The following ATP6V1C1 variants were observed in gnomAD, a reference collection of about 807,000 sequenced individuals.
ATP6V1C1 encodes the protein ATPase H+ transporting V1 subunit C1, also known as V-type proton ATPase subunit C 1.
Under a neutral mutation model 53.9 loss-of-function variants are expected in ATP6V1C1, and 45 were observed. The observed-to-expected ratio is 0.83, with a 90% CI of 0.66 to 1.07. The LOEUF (loss-of-function observed/expected upper bound fraction) is 1.07. Among genes scored for constraint, ATP6V1C1 ranks in the 50% least tolerant of loss-of-function variants. The pLI, the probability that ATP6V1C1 is intolerant of heterozygous loss-of-function variation, is 0.00. For synonymous variants in ATP6V1C1, 153 were observed against 155.2 expected, an observed-to-expected ratio of 0.99 and a Z score of 0.11; for missense variants, 315 against 440.3, an observed-to-expected ratio of 0.72 and a Z score of 2.55.
Position 103,066,321 on chromosome 8 carries a change from G to A in ATP6V1C1, c.927G>A (p.Arg309=). 3 of 1,604,994 alleles carry A rather than the reference G, an allele frequency of 1.9e-6. No individual in the cohort carries two copies. Among genetic ancestry groups the A allele is most frequent in the East Asian group, 2.2e-5 (1 of 44,796 alleles). The change falls in exon 12 of 13, where the codon AGG becomes AGA. Residue 309 remains arginine, a splice_region_variant and synonymous_variant. Coordinates refer to ENST00000518738, the MANE Select transcript of ATP6V1C1 (RefSeq NM_001695.5). The stretch of plus-strand genomic sequence containing the variant: ...TACTGTATTTCTGCTTTTTTGTAAG[G>A]TATGGCTTGCCAGTGAACTTCCAAG... ...ALRVFVESVL[R]YGLPVNFQAM...
chr8:103,043,955 G>T (rs1817049259), intron 3 of ATP6V1C1, among the ~76,000 whole-genome samples: 1 of 151,964 alleles, frequency 6.6e-6, no homozygotes, highest in Non-Finnish European at 1.5e-5. Context: ...GTGGCCAGAT[G>T]TTGGCTCACT....
At position 103,053,992 on chromosome 8, in the gene ATP6V1C1, T is replaced by C. The variant is rs1447680019; in HGVS notation, c.572+10T>C. The stretch of plus-strand genomic sequence containing the variant: ...TGGTAGTAGTTCCCAAGTAAGTCTT[T>C]CTATTATAAAAGGTTTTACTTGTTA... On this transcript the variant is annotated intron_variant, in intron 7 of 12. Transcript: ENST00000518738. The C allele has an allele frequency of 6.3e-7, 1 of 1,593,032 alleles. No homozygotes were observed. Among genetic ancestry groups the C allele is most frequent in the African/African-American group, 1.3e-5 (1 of 74,176 alleles).
chr8:103,048,059 G>C (rs1371298870), intron 3 of ATP6V1C1, among the ~76,000 whole-genome samples: 1 of 152,200 alleles, frequency 6.6e-6, no homozygotes, highest in Non-Finnish European at 1.5e-5. Flanking sequence ...GGCAGACATG[G>C]AATAAGGAAG....
intron 12 of ATP6V1C1, among the ~76,000 whole-genome samples, chr8:103,068,335 T>G (rs140147357): frequency 2.0e-5 from 3 of 152,234 alleles, no homozygotes; most frequent in African/African-American, 7.2e-5. Context: ...CTCAGTATTC[T>G]AAGTCCAAGA....
chr8:103,051,638 C>T (rs191060058), intron 5 of ATP6V1C1, among the ~76,000 whole-genome samples: 131 of 152,214 alleles, frequency 8.6e-4, no homozygotes, highest in African/African-American at 3.1e-3. Flanking sequence ...TATGTAGTTT[C>T]AGGGAGTACA....
intron 2 of ATP6V1C1, among the ~76,000 whole-genome samples, chr8:103,041,719 A>C (rs1817004161): frequency 6.6e-6 from 1 of 152,080 alleles, no homozygotes; most frequent in Non-Finnish European, 1.5e-5. Context: ...TAAAAATACA[A>C]AAATTAGCCA....
At position 103,068,639 on chromosome 8, in the gene ATP6V1C1, G is replaced by GT; in HGVS notation, c.1054-7dup. ...TAAATACAAAATTGAATAATTGTCTGTTTTTTCCATAGGCTCCTATGGATA... is the reference window on the plus strand; with the variant it reads ...TAAATACAAAATTGAATAATTGTCTGTTTTTTTCCATAGGCTCCTATGGATA... On this transcript the variant is annotated splice_polypyrimidine_tract_variant and intron_variant, in intron 12 of 12. Transcript: ENST00000518738. 6.4e-7 allele frequency: 1 copy of GT among 1,567,224 alleles called. No homozygotes were observed. The highest frequency in any genetic ancestry group is 8.7e-7 in the Non-Finnish European group (1 of 1,154,636).
chr8:103,040,857 A>T lies in ATP6V1C1; in HGVS notation c.21A>T (p.Ile7=), dbSNP rs191833906. The change falls in exon 2 of 13, where the codon ATA becomes ATT. Residue 7 remains isoleucine (I), a synonymous_variant. Coordinates refer to ENST00000518738, the MANE Select transcript of ATP6V1C1 (RefSeq NM_001695.5). ...CAAACATGACTGAGTTCTGGCTTAT[A>T]TCTGCTCCTGGGGAGAAAACCTGTC... MTEFWL[I]SAPGEKTCQQ... is the part of the protein sequence containing the mutation. The T allele has an allele frequency of 1.1e-5, 18 of 1,614,136 alleles. No individual in the cohort carries two copies. In the Admixed American group the frequency reaches 2.5e-4, roughly 22 times the overall value.
rs1817604184 is a variant in ATP6V1C1, at chr8:103,072,622, G to GGT, written c.*3875_*3876insGT. Reference sequence around the variant, plus strand: ...TAATGGTCTTTATTTTTCTAGCATAGATAACAATTGATTCTTTAGATTCAT... The same window carrying GGT: ...TAATGGTCTTTATTTTTCTAGCATAGGTATAACAATTGATTCTTTAGATTCAT... On this transcript the variant is annotated 3_prime_UTR_variant, in exon 13 of 13. Coordinates refer to ENST00000518738, the MANE Select transcript of ATP6V1C1 (RefSeq NM_001695.5). The GGT allele has an allele frequency of 6.6e-6, 1 of 152,144 alleles. No individual in the cohort carries two copies. Among genetic ancestry groups the GGT allele is most frequent in the Non-Finnish European group, 1.5e-5 (1 of 68,030 alleles). The allele number at this position is 152,144 out of a possible 1,614,324, so 9.4% of individuals were successfully genotyped here.
intron 6 of ATP6V1C1, 33 bp downstream of exon 6, chr8:103,052,855 A>T (rs1817224236): frequency 7.2e-7 from 1 of 1,389,494 alleles, no homozygotes; most frequent in Non-Finnish European, 9.9e-7. Flanking sequence ...AGTACTAAGA[A>T]CTGGGGAAGC....
chr8:103,041,059 C>G, intron 2 of ATP6V1C1, 91 bp downstream of exon 2: 1 of 1,375,400 alleles, frequency 7.3e-7, no homozygotes, highest in Non-Finnish European at 9.6e-7. Context: ...ACCCAGGTTC[C>G]TTCCAAAGAA....
intron 3 of ATP6V1C1, among the ~76,000 whole-genome samples, chr8:103,048,607 A>C (rs1198835386): frequency 5.3e-5 from 8 of 152,112 alleles, no homozygotes; most frequent in Admixed American, 1.3e-4. Context: ...GCTTCCCATG[A>C]CTTACTTTCT....
Position 103,063,180 on chromosome 8 carries a change from A to G in ATP6V1C1, c.780A>G (p.Ala260=). 1.9e-6 allele frequency: 3 copies of G among 1,612,722 alleles called. No homozygotes were observed. The highest frequency in any genetic ancestry group is 2.5e-6 in the Non-Finnish European group (3 of 1,179,414). Residue 260 remains alanine (A), a synonymous_variant, in exon 10 of 13, where the codon GCA becomes GCG. Transcript: ENST00000518738. ...DFQYNEEEMK[A]DKEEMNRLST... ...AGTATAATGAAGAGGAGATGAAAGC[A>G]GATAAAGAAGAAATGAACAGGCTTT...
chr8:103,035,196 C>T (rs1816871699), intron 1 of ATP6V1C1, among the ~76,000 whole-genome samples: 2 of 152,136 alleles, frequency 1.3e-5, no homozygotes, highest in African/African-American at 2.4e-5. Context: ...GAACCTGCAA[C>T]TCTACCAATT....
At chr8:103,061,845 T>C (rs1817404093) in intron 8 of ATP6V1C1, among the ~76,000 whole-genome samples, 1 of 152,210 alleles carries the variant, frequency 6.6e-6, no homozygotes, top group African/African-American at 2.4e-5. Context: ...CTGTGCAGCC[T>C]TGTGGACCTC....
chr8:103,036,438 A>G (rs1350084540), intron 1 of ATP6V1C1, among the ~76,000 whole-genome samples: 3 of 152,174 alleles, frequency 2.0e-5, no homozygotes, highest in Non-Finnish European at 4.4e-5. Context: ...TGTAATCTCA[A>G]CACTTTGGGA....
At chr8:103,028,937 GT>G (rs1816744033) in intron 1 of ATP6V1C1, among the ~76,000 whole-genome samples, 1 of 152,064 alleles carries the variant, frequency 6.6e-6, no homozygotes, top group African/African-American at 2.4e-5. Context: ...ACTTTTCAGT[GT>G]TTTCAAATAT....
chr8:103,037,031 T>A (rs1816910624), intron 1 of ATP6V1C1, among the ~76,000 whole-genome samples: 2 of 151,396 alleles, frequency 1.3e-5, no homozygotes. Context: ...TTCTAATAAC[T>A]GAAAATGTTA....
intron 1 of ATP6V1C1, among the ~76,000 whole-genome samples, chr8:103,027,856 A>G (rs1407406967): frequency 3.3e-5 from 5 of 152,074 alleles, no homozygotes; most frequent in East Asian, 3.9e-4. Context: ...CCCTGCACAC[A>G]CACAGACCTG....
Sources: allele counts gnomAD v4.1 joint callset (sites outside exome capture counted in the v4.1 genomes callset), GRCh38; gene constraint gnomAD v4.1.1; transcripts MANE v1.5; gene names NCBI Gene and HGNC (gene_info 2026-07-23, HGNC 2026-07-21).